TBC1D15: variants seen among roughly 807,000 people sequenced by gnomAD.
The protein encoded by TBC1D15 is GAP for RAB7.
Under a neutral mutation model 95.4 loss-of-function variants are expected in TBC1D15, and 39 were observed. That is an observed-to-expected ratio of 0.41 (90% CI 0.32 to 0.53). TBC1D15 has a LOEUF of 0.53. Among genes scored for constraint, TBC1D15 ranks in the 20% least tolerant of loss-of-function variants. The probability of loss-of-function intolerance (pLI) is 0.29; values close to 1 mark genes in which losing one functional copy is unlikely to be tolerated. For synonymous variants in TBC1D15, 258 were observed against 261.3 expected (o/e 0.99, Z 0.12); for missense variants, 733 against 794.3 (o/e 0.92, Z 0.93).
At position 71,923,315 on chromosome 12, in the gene TBC1D15, A is replaced by G; in HGVS notation, c.*111A>G. The G allele has an allele frequency of 3.2e-6, 3 of 946,078 alleles. No homozygotes were observed. Among genetic ancestry groups the G allele is most frequent in the Non-Finnish European group, 4.8e-6 (3 of 623,098 alleles). 58.6% of individuals were successfully genotyped at this position (946,078 alleles called of 1,614,324 possible). A position where few individuals can be genotyped will look rare whatever the true frequency, so the allele number is the denominator to read the frequency against. ...TTGATCATGCTTTAAGGTTTATGTA[A>G]AGAAAGTGTACTGATGTTCTTACAT... On this transcript the variant is annotated 3_prime_UTR_variant, in exon 17 of 17. Transcript: ENST00000485960.
chr12:71,907,746 T>C (rs1418036099), intron 11 of TBC1D15: 1 of 152,246 alleles, frequency 6.6e-6, no homozygotes, highest in Non-Finnish European at 1.5e-5. Flanking sequence ...CAAACCGTTG[T>C]TTGATATGCT....
At chr12:71,849,013 C>T (rs1024573197) in intron 1 of TBC1D15, among the ~76,000 whole-genome samples, 7 of 152,066 alleles carry the variant, frequency 4.6e-5, no homozygotes, top group Admixed American at 2.6e-4. Flanking sequence ...ACAAAGCAAA[C>T]ACTTTGTTTC....
At chr12:71,890,417 A>C (rs1474569000) in intron 5 of TBC1D15, among the ~76,000 whole-genome samples, 1 of 152,116 alleles carries the variant, frequency 6.6e-6, no homozygotes, top group Non-Finnish European at 1.5e-5. Flanking sequence ...GTTCAAAACC[A>C]AGAGAATTAG....
At chr12:71,879,426 C>T (rs1490186441) in intron 3 of TBC1D15, among the ~76,000 whole-genome samples, 4 of 152,032 alleles carry the variant, frequency 2.6e-5, no homozygotes, top group African/African-American at 7.2e-5. Context: ...TGAGCCACCT[C>T]GCTCGGCCTC....
chr12:71,852,461 C>T (rs1374245421), intron 1 of TBC1D15, among the ~76,000 whole-genome samples: 1 of 152,228 alleles, frequency 6.6e-6, no homozygotes, highest in Non-Finnish European at 1.5e-5. Context: ...TTGAATTCCT[C>T]TCCTGAAAAT....
intron 1 of TBC1D15, among the ~76,000 whole-genome samples, chr12:71,846,951 G>A (rs758442503): frequency 2.0e-5 from 3 of 151,850 alleles, no homozygotes; most frequent in Non-Finnish European, 4.4e-5. Flanking sequence ...TGTAGAGATG[G>A]AGTGTTGCCG....
At chr12:71,881,912 G>A (rs1430964861) in intron 4 of TBC1D15, among the ~76,000 whole-genome samples, 38 of 101,478 alleles carry the variant, frequency 3.7e-4, no homozygotes, top group African/African-American at 1.6e-3. Context: ...GCAAGACTCC[G>A]TCTCAAAAAA....
chr12:71,845,960 A>G (rs1433684864), intron 1 of TBC1D15, among the ~76,000 whole-genome samples: 1 of 151,856 alleles, frequency 6.6e-6, no homozygotes, highest in Non-Finnish European at 1.5e-5. Flanking sequence ...AAAAATTACT[A>G]CTGTATTGTG....
chr12:71,868,696 C>T (rs1892026564), intron 1 of TBC1D15: 1 of 152,130 alleles, frequency 6.6e-6, no homozygotes, highest in Admixed American at 6.5e-5. Context: ...GCTTAATGTG[C>T]CTAAATAAGG....
intron 1 of TBC1D15, chr12:71,850,171 C>T: frequency 3.5e-6 from 2 of 570,250 alleles, no homozygotes; most frequent in Non-Finnish European, 6.8e-6. Flanking sequence ...GGCTGTGATA[C>T]TCATTACATA....
intron 1 of TBC1D15, chr12:71,849,241 C>T (rs532403486): frequency 6.5e-6 from 4 of 612,510 alleles, no homozygotes; most frequent in East Asian, 5.6e-5. Flanking sequence ...TTAGGATACT[C>T]CTGCCTGATC....
intron 1 of TBC1D15, among the ~76,000 whole-genome samples, chr12:71,868,034 TATTA>T (rs1325246777): frequency 6.6e-6 from 1 of 152,192 alleles, no homozygotes; most frequent in African/African-American, 2.4e-5. Context: ...TTAATAAATT[TATTA>T]ATTTTATTTG....
At chr12:71,901,812 A>G (rs1415277530) in intron 10 of TBC1D15, among the ~76,000 whole-genome samples, 3 of 152,142 alleles carry the variant, frequency 2.0e-5, no homozygotes, top group Non-Finnish European at 4.4e-5. Flanking sequence ...CTCTCTTCAC[A>G]GGCAATATGA....
intron 10 of TBC1D15, among the ~76,000 whole-genome samples, chr12:71,903,415 G>C (rs1004190626): frequency 6.6e-6 from 1 of 152,138 alleles, no homozygotes; most frequent in African/African-American, 2.4e-5. Flanking sequence ...ATACAGTGCT[G>C]GTGGGAAAGT....
intron 11 of TBC1D15, among the ~76,000 whole-genome samples, chr12:71,910,265 C>A (rs1193771168): frequency 6.6e-6 from 1 of 151,602 alleles, no homozygotes; most frequent in East Asian, 1.9e-4. Context: ...GTTACTGTAG[C>A]CTTGTAGTAT....
intron 14 of TBC1D15, 49 bp from the exon 15 acceptor site, chr12:71,920,682 T>C (rs7484380): frequency 0.049 from 65,169 of 1,321,184 alleles, 1,975 homozygotes; most frequent in Non-Finnish European, 0.058. Context: ...GTGAGGAAAA[T>C]GTTTTAGAAT....
At position 71,896,053 on chromosome 12, in the gene TBC1D15, T is replaced by C. The variant is rs1453758879; in HGVS notation, c.962T>C (p.Met321Thr). The C allele has an allele frequency of 6.2e-7, 1 of 1,610,528 alleles. No individual in the cohort carries two copies. Among genetic ancestry groups the C allele is most frequent in the Non-Finnish European group, 8.5e-7 (1 of 1,177,358 alleles). ...GGAAGAATTTTAAATGTAGATAATA[T>C]GAAGCAGATGATATTTAGAGGGGTA... is the stretch of plus-strand genomic sequence containing the variant. ...SEGRILNVDN[M>T]KQMIFRGGLS... Residue 321 changes from methionine (M) to threonine (T), a missense_variant, in exon 8 of 17, where the codon ATG (methionine) becomes ACG (threonine). Met to Thr is a moderately conservative substitution (Grantham distance 81). Transcript: ENST00000485960.
chr12:71,866,716 G>T (rs889543691), intron 1 of TBC1D15, among the ~76,000 whole-genome samples: 1 of 152,192 alleles, frequency 6.6e-6, no homozygotes, highest in African/African-American at 2.4e-5. Flanking sequence ...CTCTCAAAGT[G>T]CTGGGATTAC....
chr12:71,915,276 C>T (rs967909607), intron 12 of TBC1D15, among the ~76,000 whole-genome samples: 8 of 151,706 alleles, frequency 5.3e-5, no homozygotes, highest in African/African-American at 1.9e-4. Context: ...GTTGTTTATC[C>T]TCTTTTCACC....
Sources: allele counts gnomAD v4.1 joint callset (sites outside exome capture counted in the v4.1 genomes callset), GRCh38; gene constraint gnomAD v4.1.1; transcripts MANE v1.5; gene names NCBI Gene and HGNC (gene_info 2026-07-23, HGNC 2026-07-21).